The following RASGRF2 variants were observed in gnomAD, a reference collection of about 807,000 sequenced individuals.
The protein encoded by RASGRF2 is Ras protein specific guanine nucleotide releasing factor 2.
In RASGRF2, 76 loss-of-function variants were observed where a neutral mutation model predicts 151.0. The observed-to-expected ratio is 0.50, with a 90% CI of 0.42 to 0.61. The LOEUF is 0.61. Ranked by LOEUF, RASGRF2 falls within the 20% of genes least tolerant of loss-of-function variation. The pLI is 0.00. For missense variants in RASGRF2, 1,148 were observed against 1,564.6 expected, an observed-to-expected ratio of 0.73 and a Z score of 4.49; for synonymous variants, 504 against 566.5, an observed-to-expected ratio of 0.89 and a Z score of 1.57.
intron 17 of RASGRF2, among the ~76,000 whole-genome samples, chr5:81,152,149 G>A (rs911395745): frequency 1.3e-5 from 2 of 152,008 alleles, no homozygotes; most frequent in Non-Finnish European, 1.5e-5. Flanking sequence ...TTACAGGTGC[G>A]TGCCAACATG....
At chr5:81,034,790 G>C (rs982662580) in intron 1 of RASGRF2, among the ~76,000 whole-genome samples, 4 of 102,866 alleles carry the variant, frequency 3.9e-5, no homozygotes, top group Non-Finnish European at 8.0e-5. Flanking sequence ...CACACTCTGG[G>C]GACTGTTGTG....
rs186551145 is a variant in RASGRF2 at position 81,189,847 on chromosome 5, G to T, written c.2793+9566G>T. Among the ~76,000 whole-genome samples the T allele has an allele frequency of 4.6e-5, 7 of 151,930 alleles. No individual in the cohort carries two copies. The East Asian group carries it at 1.2e-3, about 25-fold the overall frequency. On this transcript the variant is annotated intron_variant, in intron 18 of 26. Coordinates refer to ENST00000265080, the MANE Select transcript of RASGRF2 (RefSeq NM_006909.3). Reference sequence around the variant, plus strand: ...CTGCCTCAGCCTCCCAAGTAGCTGGGATTACAGGCATGCGCCACCACACCA... The same window carrying T: ...CTGCCTCAGCCTCCCAAGTAGCTGGTATTACAGGCATGCGCCACCACACCA...
At chr5:81,041,415 C>A (rs533997313) in intron 1 of RASGRF2, among the ~76,000 whole-genome samples, 1 of 152,120 alleles carries the variant, frequency 6.6e-6, no homozygotes, top group East Asian at 1.9e-4. Context: ...AGACATCTGT[C>A]ACTTTGTCTA....
Position 81,228,300 on chromosome 5 carries a change from C to T in RASGRF2, c.*2530C>T, listed in dbSNP as rs1756042458. ...CTGCAAGAGGGCAAGAGAGAGAGCT[C>T]CACCTCTGAGGGAGTGTCTGTTGAT... On this transcript the variant is annotated 3_prime_UTR_variant, in exon 27 of 27. Coordinates refer to ENST00000265080, the MANE Select transcript of RASGRF2 (RefSeq NM_006909.3). 1 of 152,230 alleles carries T rather than the reference C, an allele frequency of 6.6e-6. No individual in the cohort carries two copies. Among genetic ancestry groups the T allele is most frequent in the South Asian group, 2.1e-4 (1 of 4,824 alleles). The allele number at this position is 152,230 out of a possible 1,614,324, so 9.4% of individuals were successfully genotyped here. A position where few individuals can be genotyped will look rare whatever the true frequency, so the allele number is the denominator to read the frequency against.
intron 3 of RASGRF2, chr5:81,070,235 G>A: frequency 2.7e-6 from 1 of 373,718 alleles, no homozygotes; most frequent in Non-Finnish European, 5.1e-6. Flanking sequence ...GCTGAGTTTT[G>A]GGCCAACATT....
At chr5:81,104,018 CA>C (rs1201091449) in intron 12 of RASGRF2, among the ~76,000 whole-genome samples, 1 of 151,476 alleles carries the variant, frequency 6.6e-6, no homozygotes, top group African/African-American at 2.4e-5. Flanking sequence ...GGCAGATACA[CA>C]AATATATAGT....
chr5:81,206,695 A>T (rs1016944849), intron 19 of RASGRF2, 150 bp from the exon 20 acceptor site: 1 of 660,380 alleles, frequency 1.5e-6, no homozygotes, highest in Admixed American at 2.5e-5. Context: ...GGGATTGCTC[A>T]TCTCCAGCTC....
At chr5:81,129,230 T>C (rs1386397709) in intron 17 of RASGRF2, among the ~76,000 whole-genome samples, 1 of 152,232 alleles carries the variant, frequency 6.6e-6, no homozygotes, top group Non-Finnish European at 1.5e-5. Flanking sequence ...CCAATCGTCA[T>C]GATTTGTAGA....
rs1181832906 is a variant in RASGRF2 at position 81,068,053 on chromosome 5, G to A, written c.417G>A (p.Glu139=). 5.6e-6 allele frequency: 9 copies of A among 1,606,294 alleles called. No homozygotes were observed. Among genetic ancestry groups the A allele is most frequent in the Non-Finnish European group, 7.6e-6 (9 of 1,176,556 alleles). The part of the protein sequence containing the change: ...HQASYADILI[E]REVLMQKYIH... The stretch of plus-strand genomic sequence containing the variant: ...CAAGTTATGCAGACATTTTGATTGA[G>A]AGGGAAGTATTAATGCAGAAGTACA... The change falls in exon 3 of 27, where the codon GAG becomes GAA. Residue 139 remains glutamate (E), a synonymous_variant. Coordinates refer to ENST00000265080, the MANE Select transcript of RASGRF2 (RefSeq NM_006909.3).
At chr5:81,142,242 TC>T (rs1753901133) in intron 17 of RASGRF2, among the ~76,000 whole-genome samples, 1 of 152,108 alleles carries the variant, frequency 6.6e-6, no homozygotes, top group Non-Finnish European at 1.5e-5. Context: ...AATATTCCTG[TC>T]CCGGTGGGGA....
At position 81,113,742 on chromosome 5, in the gene RASGRF2, C is replaced by T. The variant is rs1335654865; in HGVS notation, c.2292C>T (p.Ser764=). 1 of 1,614,148 alleles carries T rather than the reference C, an allele frequency of 6.2e-7. No individual in the cohort carries two copies. The highest frequency in any genetic ancestry group is 1.3e-5 in the African/African-American group (1 of 75,044). ...KIGALDLTTS[S]SPTTTTQSPA... is the part of the protein sequence containing the mutation. ...GAGCATTGGACCTGACAACTTCCAG[C>T]AGTCCCACCACCACCACCCAGAGTC... The change falls in exon 15 of 27, where the codon AGC becomes AGT. Residue 764 remains serine (S), a synonymous_variant. Transcript: ENST00000265080.
intron 5 of RASGRF2, among the ~76,000 whole-genome samples, chr5:81,076,355 G>A (rs1429915449): frequency 6.6e-6 from 1 of 152,256 alleles, no homozygotes; most frequent in African/African-American, 2.4e-5. Context: ...TGGACAGAAT[G>A]TACTGCTCAG....
chr5:81,087,378 G>C, intron 9 of RASGRF2: 1 of 699,984 alleles, frequency 1.4e-6, no homozygotes, highest in Non-Finnish European at 2.6e-6. Flanking sequence ...ACAGCTGTCT[G>C]TTGTTCCCAT....
intron 1 of RASGRF2, among the ~76,000 whole-genome samples, chr5:81,018,252 A>G (rs1023074722): frequency 6.6e-6 from 1 of 152,226 alleles, no homozygotes; most frequent in Non-Finnish European, 1.5e-5. Flanking sequence ...AGTAGTAAGA[A>G]GTATGAAGGA....
rs932862375 is a variant in RASGRF2, at chr5:81,094,194, A to G, written c.1552-102A>G. 4 of 887,326 alleles carry G rather than the reference A, an allele frequency of 4.5e-6. No homozygotes were observed. The African/African-American group carries it at 5.1e-5, about 11-fold the overall frequency. The allele number at this position is 887,326 out of a possible 1,614,324, so 55.0% of individuals were successfully genotyped here. On this transcript the variant is annotated intron_variant, in intron 10 of 26. Transcript: ENST00000265080. ...AAATTATTTATGATGCAGAATTGCT[A>G]TGCTTTCTTCCATGGCAACTTGAAT... is the stretch of plus-strand genomic sequence containing the variant.
intron 17 of RASGRF2, among the ~76,000 whole-genome samples, chr5:81,143,158 T>A (rs1031410733): frequency 6.6e-6 from 1 of 152,190 alleles, no homozygotes. Flanking sequence ...TTTTTATTTT[T>A]ATTTTTTTGA....
chr5:80,969,806 C>T (rs1395468341), intron 1 of RASGRF2, among the ~76,000 whole-genome samples: 3 of 120,662 alleles, frequency 2.5e-5, no homozygotes, highest in African/African-American at 1.0e-4. Flanking sequence ...GCCAATAATA[C>T]TTCTTCTTCT....
chr5:81,213,917 G>GT (rs1755678437), intron 23 of RASGRF2, among the ~76,000 whole-genome samples: 1 of 152,192 alleles, frequency 6.6e-6, no homozygotes, highest in African/African-American at 2.4e-5. Context: ...ACATGCAGTT[G>GT]TAAGAAATAA....
At chr5:81,038,323 A>G (rs1417959768) in intron 1 of RASGRF2, among the ~76,000 whole-genome samples, 3 of 152,136 alleles carry the variant, frequency 2.0e-5, no homozygotes, top group East Asian at 1.9e-4. Flanking sequence ...GTGCAGCCAT[A>G]GTATATAATT....
Sources: allele counts gnomAD v4.1 joint callset (sites outside exome capture counted in the v4.1 genomes callset), GRCh38; gene constraint gnomAD v4.1.1; transcripts MANE v1.5; gene names NCBI Gene and HGNC (gene_info 2026-07-23, HGNC 2026-07-21).